TCERG1L: variants seen among roughly 807,000 people sequenced by gnomAD.
TCERG1L encodes transcription elongation regulator 1 like.
In TCERG1L, 37 loss-of-function variants were observed where a neutral mutation model predicts 56.3. That is an observed-to-expected ratio of 0.66 (90% confidence interval 0.51 to 0.87). The LOEUF is 0.87. TCERG1L is among the 40% of genes least tolerant of loss of function. The pLI, the probability that TCERG1L is intolerant of heterozygous loss-of-function variation, is 0.00. For synonymous variants in TCERG1L, 324 were observed against 326.3 expected (o/e 0.99, Z 0.08); for missense variants, 799 against 774.2 (o/e 1.03, Z -0.38).
intron 8 of TCERG1L, among the ~76,000 whole-genome samples, chr10:131,133,444 G>A (rs1048690249): frequency 4.9e-4 from 75 of 152,312 alleles, no homozygotes; most frequent in African/African-American, 1.6e-3. Flanking sequence ...CAGGAGCCTG[G>A]TGCAGGATGA....
intron 4 of TCERG1L, among the ~76,000 whole-genome samples, chr10:131,172,465 G>A (rs111684028): frequency 2.5e-3 from 383 of 152,384 alleles, no homozygotes; most frequent in African/African-American, 8.5e-3. Flanking sequence ...TGAGGAGGGC[G>A]TTGACTCACA....
chr10:131,224,106 C>G (rs1445598388), intron 4 of TCERG1L, among the ~76,000 whole-genome samples: 1 of 152,124 alleles, frequency 6.6e-6, no homozygotes, highest in Non-Finnish European at 1.5e-5. Flanking sequence ...CCCTTCCTGT[C>G]TCCTTTCCCC....
intron 6 of TCERG1L, among the ~76,000 whole-genome samples, chr10:131,157,416 ATT>A (rs762305422): frequency 6.6e-6 from 1 of 152,196 alleles, no homozygotes; most frequent in African/African-American, 2.4e-5. Context: ...TTGATTAATC[ATT>A]GTTTTTGACA....
At chr10:131,241,918 A>G (rs1845978313) in intron 4 of TCERG1L, among the ~76,000 whole-genome samples, 1 of 152,126 alleles carries the variant, frequency 6.6e-6, no homozygotes, top group Non-Finnish European at 1.5e-5. Flanking sequence ...TCACCTGTAC[A>G]GTAACACAAA....
At chr10:131,303,764 A>G (rs748905626) in intron 3 of TCERG1L, among the ~76,000 whole-genome samples, 1 of 151,994 alleles carries the variant, frequency 6.6e-6, no homozygotes, top group Non-Finnish European at 1.5e-5. Flanking sequence ...TTTAGTTGCT[A>G]GTTTTCAAAA....
intron 4 of TCERG1L, among the ~76,000 whole-genome samples, chr10:131,181,219 A>G (rs1445668328): frequency 8.6e-3 from 1 of 116 alleles, no homozygotes; most frequent in Non-Finnish European, 0.017. Flanking sequence ...CACTGGGGCC[A>G]GAAAGAGAGA....
chr10:131,246,719 C>G (rs1373932851), intron 4 of TCERG1L, among the ~76,000 whole-genome samples: 3 of 151,900 alleles, frequency 2.0e-5, no homozygotes, highest in South Asian at 2.1e-4. Flanking sequence ...AGCAAAGGAG[C>G]TTGGTCCAAA....
chr10:131,217,340 G>A (rs528486549), intron 4 of TCERG1L, among the ~76,000 whole-genome samples: 1 of 152,218 alleles, frequency 6.6e-6, no homozygotes, highest in Admixed American at 6.5e-5. Context: ...AGTTTCCTGA[G>A]GCCTCTGCAG....
chr10:131,296,539 C>A (rs1048085092), intron 3 of TCERG1L, among the ~76,000 whole-genome samples: 1 of 152,190 alleles, frequency 6.6e-6, no homozygotes, highest in Non-Finnish European at 1.5e-5. Flanking sequence ...TTGTCATCAG[C>A]ATTTAGATCA....
rs139092161 is a variant in TCERG1L, at chr10:131,218,946, G to A, written c.856+41313C>T. On this transcript the variant is annotated intron_variant, in intron 4 of 11. Coordinates refer to ENST00000368642, the MANE Select transcript of TCERG1L (RefSeq NM_174937.4). ...AGCAAATCTGGTCACAGCTCCCTCCGGCCCCTCAGAACCATCCCTCCTGCC... is the reference window on the plus strand; with the variant it reads ...AGCAAATCTGGTCACAGCTCCCTCCAGCCCCTCAGAACCATCCCTCCTGCC... Among the ~76,000 whole-genome samples the A allele has an allele frequency of 3.4e-4, 51 of 152,080 alleles. 1 individual carries two copies. The East Asian group carries it at 7.0e-3, about 21-fold the overall frequency.
intron 7 of TCERG1L, among the ~76,000 whole-genome samples, chr10:131,144,636 G>T (rs1845775307): frequency 1.3e-5 from 2 of 152,066 alleles, no homozygotes; most frequent in African/African-American, 4.8e-5. Flanking sequence ...TATATGAGGA[G>T]GGAAGTAAGA....
At chr10:131,268,080 C>T (rs915578526) in intron 3 of TCERG1L, among the ~76,000 whole-genome samples, 2 of 152,108 alleles carry the variant, frequency 1.3e-5, no homozygotes, top group African/African-American at 4.8e-5. Context: ...TCCCAGTCCC[C>T]TAAGACCACG....
chr10:131,161,802 T>C (rs936331971), intron 6 of TCERG1L: 1 of 152,350 alleles, frequency 6.6e-6, no homozygotes, highest in Non-Finnish European at 1.5e-5. Context: ...TCTAAAACAT[T>C]GAGGTTCAGA....
intron 3 of TCERG1L, among the ~76,000 whole-genome samples, chr10:131,272,900 T>TAACAC (rs1440492847): frequency 6.6e-6 from 1 of 152,108 alleles, no homozygotes; most frequent in African/African-American, 2.4e-5. Flanking sequence ...GGGAGAGTGT[T>TAACAC]GTTTAGAGGA....
chr10:131,242,633 C>A (rs1335499373), intron 4 of TCERG1L, among the ~76,000 whole-genome samples: 1 of 152,170 alleles, frequency 6.6e-6, no homozygotes, highest in African/African-American at 2.4e-5. Context: ...GGGTTTTTTT[C>A]CAGCTTTGAA....
Position 131,311,219 on chromosome 10 carries a change from A to G in TCERG1L, c.342+75T>C. 9.0e-7 allele frequency: 1 copy of G among 1,107,076 alleles called. No individual in the cohort carries two copies. The highest frequency in any genetic ancestry group is 1.1e-6 in the Non-Finnish European group (1 of 896,080). 68.6% of individuals were successfully genotyped at this position (1,107,076 alleles called of 1,614,324 possible). ...GGAGGGCGCGCGAGCCGGAGGCCAG[A>G]GCCGGGCCGGGCAGGGCGCGCCCAG... On this transcript the variant is annotated intron_variant, in intron 1 of 11. Transcript: ENST00000368642. The surrounding 1 kb of genome is among the most constrained non-coding windows in gnomAD (Gnocchi z 4.0).
intron 4 of TCERG1L, among the ~76,000 whole-genome samples, chr10:131,189,366 T>C (rs1409603655): frequency 6.6e-6 from 1 of 152,148 alleles, no homozygotes; most frequent in African/African-American, 2.4e-5. Context: ...CTGTCCACCA[T>C]TCCCCTCTCT....
chr10:131,309,132 T>A (rs768424717), intron 2 of TCERG1L, 21 bp downstream of exon 2: 1 of 1,604,772 alleles, frequency 6.2e-7, no homozygotes, highest in South Asian at 1.1e-5. Context: ...CCTTATCCAA[T>A]TAAATCACTT....
chr10:131,285,534 AAAGAAAAG>A (rs1417879685), intron 3 of TCERG1L, among the ~76,000 whole-genome samples: 11 of 45,886 alleles, frequency 2.4e-4, no homozygotes, highest in African/African-American at 4.9e-4. Context: ...GAGAGAAAGA[AAAGAAAAG>A]AAAGAAAGGA....
Sources: allele counts gnomAD v4.1 joint callset (sites outside exome capture counted in the v4.1 genomes callset), GRCh38; gene constraint gnomAD v4.1.1; non-coding constraint Gnocchi (gnomAD v3.1); transcripts MANE v1.5; gene names NCBI Gene and HGNC (gene_info 2026-07-23, HGNC 2026-07-21).